GPSM3: variants seen among roughly 807,000 people sequenced by gnomAD.
GPSM3 encodes the protein G protein signaling modulator 3, also known as G protein-signaling modulator 3.
Under a neutral mutation model 20.4 loss-of-function variants are expected in GPSM3, and 16 were observed. That is an observed-to-expected ratio of 0.78 (90% CI 0.53 to 1.19). GPSM3 has a LOEUF of 1.19. Among genes scored for constraint, GPSM3 ranks in the 50% most tolerant of loss-of-function variants. The pLI is 0.00. For synonymous variants in GPSM3, 70 were observed against 79.6 expected (o/e 0.88, Z 0.64); for missense variants, 177 against 204.6 (o/e 0.86, Z 0.82).
chr6:32,191,671 C>T lies in GPSM3; in HGVS notation c.345+38G>A, dbSNP rs757940985. On this transcript the variant is annotated intron_variant, in intron 3 of 3. Transcript: ENST00000375040. The surrounding 1 kb of genome is among the most constrained non-coding windows in gnomAD (Gnocchi z 5.9). Reference sequence around the variant, plus strand: ...CCAAAGAGAACAGGGGCCAAGAGACCAGGAGGCCTGGGTTTGCCTCCTGGG... The same window carrying T: ...CCAAAGAGAACAGGGGCCAAGAGACTAGGAGGCCTGGGTTTGCCTCCTGGG... The T allele has an allele frequency of 7.5e-5, 116 of 1,544,722 alleles. No homozygotes were observed. Among genetic ancestry groups the T allele is most frequent in the Non-Finnish European group, 9.8e-5 (111 of 1,135,872 alleles).
rs370425215 is a variant in GPSM3 at position 32,192,297 on chromosome 6, C to T, written c.43-47G>A. The stretch of plus-strand genomic sequence containing the variant: ...TCTAGTCAAGCAGTGGTGGTTGAAG[C>T]GGGAGGAGTGGACAGGGGGCTAGGC... On this transcript the variant is annotated intron_variant, in intron 1 of 3. Transcript: ENST00000375040. The surrounding 1 kb of genome is among the most constrained non-coding windows in gnomAD (Gnocchi z 5.1). 23 of 1,447,008 alleles carry T rather than the reference C, an allele frequency of 1.6e-5. No individual in the cohort carries two copies. The highest frequency in any genetic ancestry group is 2.1e-5 in the Non-Finnish European group (22 of 1,064,728). 89.6% of individuals were successfully genotyped at this position (1,447,008 alleles called of 1,614,324 possible).
chr6:32,192,068 C>T lies in GPSM3; in HGVS notation c.145+80G>A, dbSNP rs567530883. ...GAGTCTGGAGGAGGTGGGGAGAGGG[C>T]CCACAATGGAGTGGGCCTTGGTAAT... On this transcript the variant is annotated intron_variant, in intron 2 of 3. Transcript: ENST00000375040. The surrounding 1 kb of genome is among the most constrained non-coding windows in gnomAD (Gnocchi z 5.1). 296 of 1,308,864 alleles carry T rather than the reference C, an allele frequency of 2.3e-4. No individual in the cohort carries two copies. In the African/African-American group the frequency reaches 3.9e-3, roughly 17 times the overall value. 81.1% of individuals were successfully genotyped at this position (1,308,864 alleles called of 1,614,324 possible).
At position 32,191,590 on chromosome 6, in the gene GPSM3, C is replaced by A. The variant is rs1787517559; in HGVS notation, c.346-87G>T. ...AGGATCAAGGGTTGGTATGGGGAGG[C>A]ATATAGGAAACCTGTGAAGGCGATG... On this transcript the variant is annotated intron_variant, in intron 3 of 3. Transcript: ENST00000375040. The surrounding 1 kb of genome is among the most constrained non-coding windows in gnomAD (Gnocchi z 5.9). 3 of 1,497,340 alleles carry A rather than the reference C, an allele frequency of 2.0e-6. No homozygotes were observed. Among genetic ancestry groups the A allele is most frequent in the Non-Finnish European group, 1.8e-6 (2 of 1,114,790 alleles). 92.8% of individuals were successfully genotyped at this position (1,497,340 alleles called of 1,614,324 possible).
Position 32,192,298 on chromosome 6 carries a change from G to T in GPSM3, c.43-48C>A. Reference sequence around the variant, plus strand: ...CTAGTCAAGCAGTGGTGGTTGAAGCGGGAGGAGTGGACAGGGGGCTAGGCC... The same window carrying T: ...CTAGTCAAGCAGTGGTGGTTGAAGCTGGAGGAGTGGACAGGGGGCTAGGCC... On this transcript the variant is annotated intron_variant, in intron 1 of 3. Coordinates refer to ENST00000375040, the MANE Select transcript of GPSM3 (RefSeq NM_001276501.2). The surrounding 1 kb of genome is among the most constrained non-coding windows in gnomAD (Gnocchi z 5.1). The T allele has an allele frequency of 1.4e-6, 2 of 1,448,462 alleles. No homozygotes were observed. The highest frequency in any genetic ancestry group is 1.3e-5 in the South Asian group (1 of 76,976). The allele number at this position is 1,448,462 out of a possible 1,614,324, so 89.7% of individuals were successfully genotyped here.
At position 32,192,133 on chromosome 6, in the gene GPSM3, G is replaced by A; in HGVS notation, c.145+15C>T. The stretch of plus-strand genomic sequence containing the variant: ...GGCACTAGGGTCGGGGCTCTCCCTG[G>A]GTGGGTAGGGGTACCTGTGTGGCGG... On this transcript the variant is annotated intron_variant, in intron 2 of 3. Coordinates refer to ENST00000375040, the MANE Select transcript of GPSM3 (RefSeq NM_001276501.2). This position sits in a 1 kb window ranked among gnomAD's most constrained non-coding sequence, Gnocchi z 5.1. 1.3e-6 allele frequency: 2 copies of A among 1,503,900 alleles called. No homozygotes were observed. The highest frequency in any genetic ancestry group is 2.3e-5 in the Admixed American group (1 of 43,958). 93.2% of individuals were successfully genotyped at this position (1,503,900 alleles called of 1,614,324 possible).
At position 32,192,112 on chromosome 6, in the gene GPSM3, C is replaced by T; in HGVS notation, c.145+36G>A. ...TGGTAATGGGGTCAGGATGTGGGCACTAGGGTCGGGGCTCTCCCTGGGTGG... is the reference window on the plus strand; with the variant it reads ...TGGTAATGGGGTCAGGATGTGGGCATTAGGGTCGGGGCTCTCCCTGGGTGG... On this transcript the variant is annotated intron_variant, in intron 2 of 3. Transcript: ENST00000375040. This position sits in a 1 kb window ranked among gnomAD's most constrained non-coding sequence, Gnocchi z 5.1. The T allele has an allele frequency of 6.8e-7, 1 of 1,471,548 alleles. No individual in the cohort carries two copies. Among genetic ancestry groups the T allele is most frequent in the South Asian group, 1.4e-5 (1 of 73,978 alleles). The allele number at this position is 1,471,548 out of a possible 1,614,324, so 91.2% of individuals were successfully genotyped here.
Position 32,191,416 on chromosome 6 carries a change from C to G in GPSM3, c.433G>C (p.Gly145Arg), listed in dbSNP as rs1419816910. The G allele has an allele frequency of 6.3e-7, 1 of 1,593,822 alleles. No individual in the cohort carries two copies. Among genetic ancestry groups the G allele is most frequent in the African/African-American group, 1.4e-5 (1 of 73,588 alleles). The change falls in exon 4 of 4, where the codon GGG (glycine) becomes CGG (arginine). Residue 145 changes from glycine (G) to arginine (R), a missense_variant. Transcript: ENST00000375040. The surrounding 1 kb of genome is among the most constrained non-coding windows in gnomAD (Gnocchi z 5.9). Reference protein sequence around the residue: ...LLELLLRVQGGGRMEEQRSRP... With the variant: ...LLELLLRVQGRGRMEEQRSRP... ...GACCTTTGCTCCTCCATTCGACCCC[C>G]ACCCTGAACTCTCAGCAGCAACTCC... is the stretch of plus-strand genomic sequence containing the variant.
At position 32,192,611 on chromosome 6, in the gene GPSM3, G is replaced by C. The variant is rs1310661127; in HGVS notation, c.-98C>G. The C allele has an allele frequency of 2.8e-6, 2 of 717,890 alleles. No individual in the cohort carries two copies. The highest frequency in any genetic ancestry group is 3.5e-5 in the African/African-American group (2 of 56,376). The allele number at this position is 717,890 out of a possible 1,614,324, so 44.5% of individuals were successfully genotyped here. A position where few individuals can be genotyped will look rare whatever the true frequency, so the allele number is the denominator to read the frequency against. On this transcript the variant is annotated 5_prime_UTR_variant, in exon 1 of 4. Coordinates refer to ENST00000375040, the MANE Select transcript of GPSM3 (RefSeq NM_001276501.2). This position sits in a 1 kb window ranked among gnomAD's most constrained non-coding sequence, Gnocchi z 5.1. Reference sequence around the variant, plus strand: ...GAGGGGAGTGGGGGCTGGAAGGGGTGGGGGTGAGCTGGGGGCTGGATGCCT... The same window carrying C: ...GAGGGGAGTGGGGGCTGGAAGGGGTCGGGGTGAGCTGGGGGCTGGATGCCT...
At chr6:32,193,541 A>C (rs954212311), upstream of GPSM3, among the ~76,000 whole-genome samples, 1 of 152,170 alleles carries the variant, frequency 6.6e-6, no homozygotes, top group Non-Finnish European at 1.5e-5. The surrounding 1 kb of genome is among the most constrained non-coding windows in gnomAD (Gnocchi z 4.7). Flanking sequence ...TTCAGGAGAC[A>C]AGATGTGTAC....
Position 32,191,453 on chromosome 6 carries a change from C to T in GPSM3, c.396G>A (p.Gly132=). 4 of 1,588,922 alleles carry T rather than the reference C, an allele frequency of 2.5e-6. No homozygotes were observed. Among genetic ancestry groups the T allele is most frequent in the South Asian group, 1.1e-5 (1 of 88,022 alleles). The change falls in exon 4 of 4, where the codon GGG becomes GGA. Residue 132 remains glycine (G), a synonymous_variant. Coordinates refer to ENST00000375040, the MANE Select transcript of GPSM3 (RefSeq NM_001276501.2). This position sits in a 1 kb window ranked among gnomAD's most constrained non-coding sequence, Gnocchi z 5.9. ...TCAGCAGCAACTCCAGGAGCTCTTG[C>T]CCCCCTGGAGGGAGGGGAGGCTCTG... The part of the protein sequence containing the change: ...QRSEPPLPPG[G]QELLELLLRV...
In GPSM3 at chr6:32,192,316, G is replaced by T. The variant is rs1468478402; in HGVS notation, c.43-66C>A. ...TTGAAGCGGGAGGAGTGGACAGGGG[G>T]CTAGGCCAGTGGCCCGTTTCCTCTC... On this transcript the variant is annotated intron_variant, in intron 1 of 3. Coordinates refer to ENST00000375040, the MANE Select transcript of GPSM3 (RefSeq NM_001276501.2). The surrounding 1 kb of genome is among the most constrained non-coding windows in gnomAD (Gnocchi z 5.1). 6 of 1,401,240 alleles carry T rather than the reference G, an allele frequency of 4.3e-6. No homozygotes were observed. The South Asian group carries it at 5.2e-5, about 12-fold the overall frequency. The allele number at this position is 1,401,240 out of a possible 1,614,324, so 86.8% of individuals were successfully genotyped here. A position where few individuals can be genotyped will look rare whatever the true frequency, so the allele number is the denominator to read the frequency against.
In GPSM3 at chr6:32,191,636, G is replaced by A; in HGVS notation, c.345+73C>T. The A allele has an allele frequency of 6.7e-7, 1 of 1,484,224 alleles. No homozygotes were observed. The highest frequency in any genetic ancestry group is 2.3e-5 in the East Asian group (1 of 43,912). 91.9% of individuals were successfully genotyped at this position (1,484,224 alleles called of 1,614,324 possible). On this transcript the variant is annotated intron_variant, in intron 3 of 3. Coordinates refer to ENST00000375040, the MANE Select transcript of GPSM3 (RefSeq NM_001276501.2). This position sits in a 1 kb window ranked among gnomAD's most constrained non-coding sequence, Gnocchi z 5.9. ...CGATGGGGTGCCTAGGGAGAAACAG[G>A]AGTAGAGCCCCAAAGAGAACAGGGG...
chr6:32,192,758 G>A, upstream of GPSM3: 2 of 410,050 alleles, frequency 4.9e-6, no homozygotes, highest in Non-Finnish European at 8.7e-6. The surrounding 1 kb of genome is among the most constrained non-coding windows in gnomAD (Gnocchi z 5.1). Flanking sequence ...CCCCAGGGCA[G>A]CACTGAGACT....
chr6:32,195,163 G>T, upstream of GPSM3: 1 of 468,240 alleles, frequency 2.1e-6, no homozygotes, highest in Admixed American at 3.8e-5. The surrounding 1 kb of genome is among the most constrained non-coding windows in gnomAD (Gnocchi z 5.4). Context: ...TTCCAACTTA[G>T]GGGTATTTCC....
In GPSM3 at chr6:32,192,269, C is replaced by G; in HGVS notation, c.43-19G>C. ...GGGGGCCCTGATGCCAAAATATGTC[C>G]ATTCTAGTCAAGCAGTGGTGGTTGA... On this transcript the variant is annotated intron_variant, in intron 1 of 3. Coordinates refer to ENST00000375040, the MANE Select transcript of GPSM3 (RefSeq NM_001276501.2). The surrounding 1 kb of genome is among the most constrained non-coding windows in gnomAD (Gnocchi z 5.1). 6.6e-7 allele frequency: 1 copy of G among 1,513,366 alleles called. No individual in the cohort carries two copies. Among genetic ancestry groups the G allele is most frequent in the South Asian group, 1.3e-5 (1 of 77,252 alleles). 93.7% of individuals were successfully genotyped at this position (1,513,366 alleles called of 1,614,324 possible).
rs553111699 is a variant in GPSM3 at position 32,191,151 on chromosome 6, G to C, written c.*215C>G. 6.2e-4 allele frequency: 336 copies of C among 539,620 alleles called. No homozygotes were observed. Among genetic ancestry groups the C allele is most frequent in the Admixed American group, 1.3e-3 (33 of 26,180 alleles). 33.4% of individuals were successfully genotyped at this position (539,620 alleles called of 1,614,324 possible). On this transcript the variant is annotated 3_prime_UTR_variant, in exon 4 of 4. Coordinates refer to ENST00000375040, the MANE Select transcript of GPSM3 (RefSeq NM_001276501.2). This position sits in a 1 kb window ranked among gnomAD's most constrained non-coding sequence, Gnocchi z 5.9. ...CTCAAGCTCCCATGGACCTGTGGGCGGGGAGTTAAATCCCTGTTCCATCTC... is the reference window on the plus strand; with the variant it reads ...CTCAAGCTCCCATGGACCTGTGGGCCGGGAGTTAAATCCCTGTTCCATCTC...
rs1787551007 is a variant in GPSM3 at position 32,191,907 on chromosome 6, G to A, written c.147C>T (p.Ala49=). The change falls in exon 3 of 4, where the codon GCC becomes GCT. Residue 49 remains alanine, a splice_region_variant and synonymous_variant. Coordinates refer to ENST00000375040, the MANE Select transcript of GPSM3 (RefSeq NM_001276501.2). The surrounding 1 kb of genome is among the most constrained non-coding windows in gnomAD (Gnocchi z 5.9). ...GCAGGGAGGCCGAGCGGGGTCCCAG[G>A]GCTGGGGAGAGGGGTGTGGAGGGCT... ...SPPPPGTRHT[A]LGPRSASLLS... The A allele has an allele frequency of 6.2e-7, 1 of 1,611,054 alleles. No individual in the cohort carries two copies. The highest frequency in any genetic ancestry group is 8.5e-7 in the Non-Finnish European group (1 of 1,179,590).
chr6:32,192,199 G>A lies in GPSM3; in HGVS notation c.94C>T (p.Pro32Ser), dbSNP rs2127453958. 1 of 1,512,576 alleles carries A rather than the reference G, an allele frequency of 6.6e-7. No homozygotes were observed. The highest frequency in any genetic ancestry group is 8.8e-7 in the Non-Finnish European group (1 of 1,130,734). The allele number at this position is 1,512,576 out of a possible 1,614,324, so 93.7% of individuals were successfully genotyped here. Reference protein sequence around the residue: ...GWPPPNSTTRPWRSAPPSPPP... With the variant: ...GWPPPNSTTRSWRSAPPSPPP... ...GGGGATGGAGGAGCAGATCGCCAAG[G>A]CCGAGTGGTGGAGTTTGGAGGGGGC... Residue 32 changes from proline (P) to serine (S), a missense_variant, in exon 2 of 4, where the codon CCT becomes TCT. Pro to Ser is a moderately conservative substitution (Grantham distance 74). Coordinates refer to ENST00000375040, the MANE Select transcript of GPSM3 (RefSeq NM_001276501.2). The surrounding 1 kb of genome is among the most constrained non-coding windows in gnomAD (Gnocchi z 5.1).
Position 32,191,183 on chromosome 6 carries a change from TC to T in GPSM3, c.*182del. ...TAAATCCCTGTTCCATCTCGCCTGT[TC>T]CCAGAGTTTGAGGACTTTCACCCTG... is the stretch of plus-strand genomic sequence containing the variant. On this transcript the variant is annotated 3_prime_UTR_variant, in exon 4 of 4. Coordinates refer to ENST00000375040, the MANE Select transcript of GPSM3 (RefSeq NM_001276501.2). The surrounding 1 kb of genome is among the most constrained non-coding windows in gnomAD (Gnocchi z 5.9). 2 of 692,988 alleles carry T rather than the reference TC, an allele frequency of 2.9e-6. No individual in the cohort carries two copies. Among genetic ancestry groups the T allele is most frequent in the Non-Finnish European group, 4.6e-6 (2 of 438,968 alleles). 42.9% of individuals were successfully genotyped at this position (692,988 alleles called of 1,614,324 possible). A position where few individuals can be genotyped will look rare whatever the true frequency, so the allele number is the denominator to read the frequency against.
Sources: gnomAD v4.1 joint callset for allele counts (sites outside exome capture counted in the v4.1 genomes callset) on GRCh38, gnomAD v4.1.1 for gene constraint, Gnocchi (gnomAD v3.1) non-coding constraint, MANE v1.5 for transcripts, NCBI Gene and HGNC (gene_info 2026-07-23, HGNC 2026-07-21) for gene names.